MYD88: variants seen among roughly 807,000 people sequenced by gnomAD.
MYD88 encodes the protein MYD88 innate immune signal transduction adaptor, also known as myeloid differentiation primary response protein MyD88.
In MYD88, 15 loss-of-function variants were observed where a neutral mutation model predicts 31.1. That is an observed-to-expected ratio of 0.48 (90% CI 0.32 to 0.74). The LOEUF (loss-of-function observed/expected upper bound fraction) is 0.74. Ranked by LOEUF, MYD88 falls within the 30% of genes least tolerant of loss-of-function variation. The probability of loss-of-function intolerance (pLI) is 0.03; values close to 1 mark genes in which losing one functional copy is unlikely to be tolerated. For missense variants in MYD88, 308 were observed against 387.4 expected (o/e 0.79, Z 1.72); for synonymous variants, 157 against 158.8 (o/e 0.99, Z 0.08).
intron 2 of MYD88, 184 bp downstream of exon 2, chr3:38,140,182 A>G: frequency 2.1e-6 from 2 of 956,748 alleles, no homozygotes; most frequent in Non-Finnish European, 3.2e-6. Flanking sequence ...TGAGATGCTC[A>G]TGAAATAATG....
Position 38,140,611 on chromosome 3 carries a change from C to A in MYD88, c.644+43C>A, listed in dbSNP as rs747406372. The A allele has an allele frequency of 1.9e-6, 3 of 1,613,360 alleles. No individual in the cohort carries two copies. In the Admixed American group the frequency reaches 5.0e-5, roughly 27 times the overall value. ...GGGGTGGGTGCGTGGATGCATGAAG[C>A]CCTGCCCTGGGGTCCAGATACTGGG... is the stretch of plus-strand genomic sequence containing the variant. On this transcript the variant is annotated intron_variant, in intron 3 of 4. Transcript: ENST00000650905.
chr3:38,139,849 G>C lies in MYD88; in HGVS notation c.329-15G>C, dbSNP rs745751930. The C allele has an allele frequency of 2.5e-6, 4 of 1,612,184 alleles. No individual in the cohort carries two copies. The highest frequency in any genetic ancestry group is 2.2e-5 in the East Asian group (1 of 44,896). ...ACTCCCAGGGAGGCTGCTTTACTCTGTCTCTTCCCCACAGAGGAGGATTGC... is the reference window on the plus strand; with the variant it reads ...ACTCCCAGGGAGGCTGCTTTACTCTCTCTCTTCCCCACAGAGGAGGATTGC... On this transcript the variant is annotated splice_polypyrimidine_tract_variant and intron_variant, in intron 1 of 4. Transcript: ENST00000650905. The surrounding 1 kb of genome is among the most constrained non-coding windows in gnomAD (Gnocchi z 4.7).
rs1701016645 is a variant in MYD88 at position 38,139,265 on chromosome 3, G to A, written c.328+237G>A. 3 of 608,946 alleles carry A rather than the reference G, an allele frequency of 4.9e-6. No individual in the cohort carries two copies. The highest frequency in any genetic ancestry group is 3.7e-5 in the African/African-American group (2 of 54,210). 37.7% of individuals were successfully genotyped at this position (608,946 alleles called of 1,614,324 possible). ...TGGGAAGGAAGCAGCTTAGGCAGAG[G>A]CTTTCAGGTAGGGCCAGGAGTCAGA... On this transcript the variant is annotated intron_variant, in intron 1 of 4. Coordinates refer to ENST00000650905, the MANE Select transcript of MYD88 (RefSeq NM_002468.5). The surrounding 1 kb of genome is among the most constrained non-coding windows in gnomAD (Gnocchi z 4.7).
In MYD88 at chr3:38,139,066, T is replaced by A. The variant is rs758752240; in HGVS notation, c.328+38T>A. On this transcript the variant is annotated intron_variant, in intron 1 of 4. Transcript: ENST00000650905. The surrounding 1 kb of genome is among the most constrained non-coding windows in gnomAD (Gnocchi z 4.7). ...CCTTCCTGGCCTCGTACCTGGGGGG[T>A]GAGGAGGCTGACTTTCCGCGGCCTC... 2.5e-6 allele frequency: 4 copies of A among 1,585,610 alleles called. No individual in the cohort carries two copies. Among genetic ancestry groups the A allele is most frequent in the Admixed American group, 3.4e-5 (2 of 58,944 alleles).
Position 38,138,819 on chromosome 3 carries a change from G to C in MYD88, c.119G>C (p.Arg40Pro). Residue 40 changes from arginine to proline, a missense_variant, in exon 1 of 5, where the codon CGG (arginine) becomes CCG (proline). Transcript: ENST00000650905. This position sits in a 1 kb window ranked among gnomAD's most constrained non-coding sequence, Gnocchi z 6.4. ...RRRLSLFLNV[R>P]TQVAADWTAL... ...CGCCTGTCTCTGTTCTTGAACGTGC[G>C]GACACAGGTGGCGGCCGACTGGACC... 1 of 1,613,718 alleles carries C rather than the reference G, an allele frequency of 6.2e-7. No homozygotes were observed. Among genetic ancestry groups the C allele is most frequent in the Non-Finnish European group, 8.5e-7 (1 of 1,180,006 alleles).
At chr3:38,140,672 A>G in intron 3 of MYD88, 85 bp from the exon 4 acceptor site, 1 of 1,595,974 alleles carries the variant, frequency 6.3e-7, no homozygotes, top group South Asian at 1.1e-5. Flanking sequence ...CAGCCTGGGC[A>G]CAGTGGGCCC....
intron 2 of MYD88, 138 bp from the exon 3 acceptor site, chr3:38,140,250 G>A: frequency 9.2e-7 from 1 of 1,092,720 alleles, no homozygotes; most frequent in Non-Finnish European, 1.3e-6. Flanking sequence ...TCCTCTCCTG[G>A]AAAGGGCACT....
rs2125780311 is a variant in MYD88, at chr3:38,141,153, T to C, written c.758T>C (p.Ile253Thr). 6.2e-7 allele frequency: 1 copy of C among 1,614,116 alleles called. No individual in the cohort carries two copies. The highest frequency in any genetic ancestry group is 1.3e-5 in the African/African-American group (1 of 75,020). Residue 253 changes from isoleucine to threonine, a missense_variant, in exon 5 of 5, where the codon ATC becomes ACC. Transcript: ENST00000650905. ...LSPGAHQKRL[I>T]PIKYKAMKKE... ...GCAGGTGCCCATCAGAAGCGACTGA[T>C]CCCCATCAAGTACAAGGCAATGAAG...
At position 38,140,856 on chromosome 3, in the gene MYD88, C is replaced by T. The variant is rs1183903258; in HGVS notation, c.736+8C>T. On this transcript the variant is annotated splice_region_variant and intron_variant, in intron 4 of 4. Transcript: ENST00000650905. Reference sequence around the variant, plus strand: ...CACTCAGCCTCTCTCCAGGTAAGCTCAACCCTGCTCTGGCAAGAGAATGAG... The same window carrying T: ...CACTCAGCCTCTCTCCAGGTAAGCTTAACCCTGCTCTGGCAAGAGAATGAG... 6.2e-7 allele frequency: 1 copy of T among 1,612,304 alleles called. No homozygotes were observed. The highest frequency in any genetic ancestry group is 1.7e-5 in the Admixed American group (1 of 60,030).
chr3:38,142,058 C>A lies in MYD88; in HGVS notation c.*772C>A. 4.3e-6 allele frequency: 1 copy of A among 235,172 alleles called. No homozygotes were observed. The highest frequency in any genetic ancestry group is 5.5e-5 in the Admixed American group (1 of 18,148). 14.6% of individuals were successfully genotyped at this position (235,172 alleles called of 1,614,324 possible). A position where few individuals can be genotyped will look rare whatever the true frequency, so the allele number is the denominator to read the frequency against. On this transcript the variant is annotated 3_prime_UTR_variant, in exon 5 of 5. Transcript: ENST00000650905. The stretch of plus-strand genomic sequence containing the variant: ...GATGCCTGTGGTCATGCTCTCAGCT[C>A]CACCTGGCATGAGAAGGGATCCTGG...
Position 38,138,858 on chromosome 3 carries a change from A to G in MYD88, c.158A>G (p.Glu53Gly), listed in dbSNP as rs1337358823. The change falls in exon 1 of 5, where the codon GAG becomes GGG. Residue 53 changes from glutamate (E) to glycine (G), a missense_variant. By Grantham distance (98) the Glu-to-Gly change is moderately conservative. Coordinates refer to ENST00000650905, the MANE Select transcript of MYD88 (RefSeq NM_002468.5). The surrounding 1 kb of genome is among the most constrained non-coding windows in gnomAD (Gnocchi z 6.4). The part of the protein sequence containing the change: ...VAADWTALAE[E>G]MDFEYLEIRQ... Reference sequence around the variant, plus strand: ...GCCGACTGGACCGCGCTGGCGGAGGAGATGGACTTTGAGTACTTGGAGATC... The same window carrying G: ...GCCGACTGGACCGCGCTGGCGGAGGGGATGGACTTTGAGTACTTGGAGATC... 1.2e-6 allele frequency: 2 copies of G among 1,613,734 alleles called. No individual in the cohort carries two copies. Among genetic ancestry groups the G allele is most frequent in the Non-Finnish European group, 1.7e-6 (2 of 1,179,996 alleles).
chr3:38,138,710 G>A lies in MYD88; in HGVS notation c.10G>A (p.Gly4Arg), dbSNP rs752325925. 6.2e-7 allele frequency: 1 copy of A among 1,603,892 alleles called. No individual in the cohort carries two copies. Among genetic ancestry groups the A allele is most frequent in the Non-Finnish European group, 8.5e-7 (1 of 1,173,914 alleles). The change falls in exon 1 of 5, where the codon GGA becomes AGA. Residue 4 changes from glycine to arginine, a missense_variant. Transcript: ENST00000650905. The surrounding 1 kb of genome is among the most constrained non-coding windows in gnomAD (Gnocchi z 6.4). ...TCCAGGACCGCCCGCCATGGCTGCA[G>A]GAGGTCCCGGCGCGGGGTCTGCGGC... MAA[G>R]GPGAGSAAPV... is the part of the protein sequence containing the mutation.
Position 38,141,927 on chromosome 3 carries a change from A to T in MYD88, c.*641A>T, listed in dbSNP as rs1025797654. On this transcript the variant is annotated 3_prime_UTR_variant, in exon 5 of 5. Transcript: ENST00000650905. ...TTATTTCCTAATGGGTCCACCTCTC[A>T]TCTGCATCTTTCACACCTCCCAGCT... The T allele has an allele frequency of 4.9e-5, 12 of 242,908 alleles. No homozygotes were observed. Among genetic ancestry groups the T allele is most frequent in the African/African-American group, 1.5e-4 (7 of 45,492 alleles). 15.0% of individuals were successfully genotyped at this position (242,908 alleles called of 1,614,324 possible).
Position 38,141,552 on chromosome 3 carries a change from GC to G in MYD88, c.*267del, listed in dbSNP as rs1701083266. 1.8e-6 allele frequency: 1 copy of G among 553,320 alleles called. No homozygotes were observed. Among genetic ancestry groups the G allele is most frequent in the African/African-American group, 1.9e-5 (1 of 53,596 alleles). 34.3% of individuals were successfully genotyped at this position (553,320 alleles called of 1,614,324 possible). ...GACCAGCTGAGACTAAGAAGGACCA[GC>G]AGAGCCAGCTCAGCTCTGAGCCATT... On this transcript the variant is annotated 3_prime_UTR_variant, in exon 5 of 5. Transcript: ENST00000650905.
intron 4 of MYD88, 32 bp from the exon 5 acceptor site, chr3:38,141,100 C>CTGAT: frequency 6.2e-7 from 1 of 1,614,162 alleles, no homozygotes; most frequent in Non-Finnish European, 8.5e-7. Flanking sequence ...GGGCAAGGGC[C>CTGAT]TGATGCCAGC....
intron 3 of MYD88, 61 bp from the exon 4 acceptor site, chr3:38,140,696 T>G: frequency 6.3e-7 from 1 of 1,597,762 alleles, no homozygotes; most frequent in East Asian, 2.2e-5. Context: ...CTGAAGCTAT[T>G]CCCAGGGGAT....
At position 38,139,179 on chromosome 3, in the gene MYD88, C is replaced by T; in HGVS notation, c.328+151C>T. On this transcript the variant is annotated intron_variant, in intron 1 of 4. Transcript: ENST00000650905. The surrounding 1 kb of genome is among the most constrained non-coding windows in gnomAD (Gnocchi z 4.7). ...AGGGAGAACCATGCGGGTCCCGTTC[C>T]TTCTTAATAACCGGTCGCGGTTATT... is the stretch of plus-strand genomic sequence containing the variant. 9.1e-7 allele frequency: 1 copy of T among 1,094,582 alleles called. No individual in the cohort carries two copies. The highest frequency in any genetic ancestry group is 1.3e-6 in the Non-Finnish European group (1 of 789,496). 67.8% of individuals were successfully genotyped at this position (1,094,582 alleles called of 1,614,324 possible).
rs752199150 is a variant in MYD88 at position 38,139,343 on chromosome 3, G to A, written c.328+315G>A. 72 of 493,992 alleles carry A rather than the reference G, an allele frequency of 1.5e-4. No homozygotes were observed. The highest frequency in any genetic ancestry group is 5.7e-4 in the Admixed American group (16 of 27,924). 30.6% of individuals were successfully genotyped at this position (493,992 alleles called of 1,614,324 possible). On this transcript the variant is annotated intron_variant, in intron 1 of 4. Coordinates refer to ENST00000650905, the MANE Select transcript of MYD88 (RefSeq NM_002468.5). This position sits in a 1 kb window ranked among gnomAD's most constrained non-coding sequence, Gnocchi z 4.7. ...TGTTTCAAGTAGAGCAACAGGACAG[G>A]TGGGGCGATTGACAGTGGACTGTCT...
Position 38,139,207 on chromosome 3 carries a change from G to T in MYD88, c.328+179G>T. 3 of 858,824 alleles carry T rather than the reference G, an allele frequency of 3.5e-6. No individual in the cohort carries two copies. The highest frequency in any genetic ancestry group is 5.2e-6 in the Non-Finnish European group (3 of 574,936). The allele number at this position is 858,824 out of a possible 1,614,324, so 53.2% of individuals were successfully genotyped here. A position where few individuals can be genotyped will look rare whatever the true frequency, so the allele number is the denominator to read the frequency against. On this transcript the variant is annotated intron_variant, in intron 1 of 4. Coordinates refer to ENST00000650905, the MANE Select transcript of MYD88 (RefSeq NM_002468.5). The surrounding 1 kb of genome is among the most constrained non-coding windows in gnomAD (Gnocchi z 4.7). ...CTTAATAACCGGTCGCGGTTATTAA[G>T]AAGGACTGGAGAAAGGTCCGGATAG...
Sources: gnomAD v4.1 joint callset for allele counts on GRCh38, gnomAD v4.1.1 for gene constraint, Gnocchi (gnomAD v3.1) non-coding constraint, MANE v1.5 for transcripts, NCBI Gene and HGNC (gene_info 2026-07-23, HGNC 2026-07-21) for gene names.